Variants in ADCY1 observed in about 807,000 individuals in gnomAD.
ADCY1 encodes adenylate cyclase 1, also known as adenylate cyclase type 1.
In ADCY1, 28 loss-of-function variants were observed where a neutral mutation model predicts 105.4. The ratio of observed to expected loss-of-function variants is 0.27; its 90% CI spans 0.20 to 0.36. The LOEUF (loss-of-function observed/expected upper bound fraction) is 0.36. ADCY1 is among the 10% of genes least tolerant of loss of function. The probability of loss-of-function intolerance (pLI) is 1.00; values close to 1 mark genes in which losing one functional copy is unlikely to be tolerated. For missense variants in ADCY1, 977 were observed against 1,434.2 expected (o/e 0.68, Z 5.15); for synonymous variants, 655 against 623.8 (o/e 1.05, Z -0.75).
chr7:45,675,770 T>G (rs1784445998), intron 8 of ADCY1, among the ~76,000 whole-genome samples: 1 of 152,186 alleles, frequency 6.6e-6, no homozygotes, highest in Non-Finnish European at 1.5e-5. Context: ...ATTAGTTTTC[T>G]CATGCTGCTT....
intron 4 of ADCY1, among the ~76,000 whole-genome samples, chr7:45,629,734 T>C (rs1794181388): frequency 6.6e-6 from 1 of 152,064 alleles, no homozygotes; most frequent in African/African-American, 2.4e-5. Flanking sequence ...TTAGCCAGGA[T>C]GGTCTTGATC....
Position 45,716,685 on chromosome 7 carries a change from A to C in ADCY1, c.*2690A>C, listed in dbSNP as rs1192388539. 3.3e-5 allele frequency: 5 copies of C among 152,540 alleles called. No individual in the cohort carries two copies. The highest frequency in any genetic ancestry group is 1.2e-4 in the African/African-American group (5 of 41,466). 9.4% of individuals were successfully genotyped at this position (152,540 alleles called of 1,614,324 possible). A position where few individuals can be genotyped will look rare whatever the true frequency, so the allele number is the denominator to read the frequency against. ...AGAGGAGTGAACCCCAAAGGTGTCC[A>C]TGCCCCAGTTCTAAGCCCTGTGGCC... On this transcript the variant is annotated 3_prime_UTR_variant, in exon 20 of 20. Coordinates refer to ENST00000297323, the MANE Select transcript of ADCY1 (RefSeq NM_021116.4).
chr7:45,705,414 A>G (rs117804005), intron 17 of ADCY1, among the ~76,000 whole-genome samples: 1,609 of 152,374 alleles, frequency 0.011, 6 homozygotes, highest in Middle Eastern at 0.034. Context: ...AGGCTGTTTT[A>G]GTATTCCAAA....
At chr7:45,585,069 G>A (rs1382765653) in intron 1 of ADCY1, among the ~76,000 whole-genome samples, 1 of 152,252 alleles carries the variant, frequency 6.6e-6, no homozygotes, top group East Asian at 1.9e-4. Flanking sequence ...ATGCTCAGTG[G>A]CAATGCTCCC....
intron 14 of ADCY1, among the ~76,000 whole-genome samples, chr7:45,700,538 G>A (rs994264263): frequency 1.3e-5 from 2 of 152,194 alleles, no homozygotes; most frequent in African/African-American, 2.4e-5. Context: ...CGCAAAGAGG[G>A]GTGTGTGCAC....
chr7:45,585,359 C>G, intron 1 of ADCY1, among the ~76,000 whole-genome samples: 1 of 151,604 alleles, frequency 6.6e-6, no homozygotes, highest in East Asian at 1.9e-4. Flanking sequence ...GCAGACATCA[C>G]AGATGTTTCA....
chr7:45,664,928 C>G (rs1433367493), intron 8 of ADCY1, among the ~76,000 whole-genome samples: 1 of 152,102 alleles, frequency 6.6e-6, no homozygotes, highest in Non-Finnish European at 1.5e-5. Context: ...TCTCTCTTCC[C>G]TTTCCTCCCA....
chr7:45,705,175 T>A (rs1221546945), intron 17 of ADCY1, among the ~76,000 whole-genome samples: 1 of 152,118 alleles, frequency 6.6e-6, no homozygotes, highest in Non-Finnish European at 1.5e-5. Context: ...TTCTCTACAA[T>A]CTCTTCCAGA....
At chr7:45,651,674 C>A (rs1415004458) in intron 5 of ADCY1, among the ~76,000 whole-genome samples, 1 of 152,206 alleles carries the variant, frequency 6.6e-6, no homozygotes, top group Non-Finnish European at 1.5e-5. Context: ...GAGTCTGATT[C>A]TGTTCCAGAA....
At chr7:45,587,680 A>C (rs1792772292) in intron 1 of ADCY1, among the ~76,000 whole-genome samples, 1 of 152,108 alleles carries the variant, frequency 6.6e-6, no homozygotes, top group Admixed American at 6.5e-5. Context: ...CCAGGGTGCT[A>C]GTCTAGTGAC....
In ADCY1 at chr7:45,690,560, G is replaced by T. The variant is rs561969967; in HGVS notation, c.2454+3887G>T. On this transcript the variant is annotated intron_variant, in intron 14 of 19. Transcript: ENST00000297323. The stretch of plus-strand genomic sequence containing the variant: ...AACCTGGCCGGAAGTAGGAGGCCCA[G>T]GACCCTGTTGGTAGAGTCCTTGGAC... Among the ~76,000 whole-genome samples, 12 of 152,338 alleles carry T rather than the reference G, an allele frequency of 7.9e-5. No individual in the cohort carries two copies. In the East Asian group the frequency reaches 2.3e-3, roughly 29 times the overall value.
At chr7:45,649,924 T>A (rs1323823961) in intron 5 of ADCY1, among the ~76,000 whole-genome samples, 1 of 152,188 alleles carries the variant, frequency 6.6e-6, no homozygotes, top group African/African-American at 2.4e-5. Flanking sequence ...CCCCCTCAGC[T>A]GACCTCAGTA....
intron 4 of ADCY1, among the ~76,000 whole-genome samples, chr7:45,628,745 A>G (rs1336616130): frequency 6.6e-6 from 1 of 152,162 alleles, no homozygotes; most frequent in Non-Finnish European, 1.5e-5. Flanking sequence ...CTTTCTTCCA[A>G]CAAACTGCAC....
chr7:45,612,915 C>G (rs1159115812), intron 3 of ADCY1, among the ~76,000 whole-genome samples: 2 of 152,104 alleles, frequency 1.3e-5, no homozygotes, highest in East Asian at 3.9e-4. Flanking sequence ...CCTGCTTTTC[C>G]CTCAGGAGAG....
At position 45,686,129 on chromosome 7, in the gene ADCY1, G is replaced by A. The variant is rs781557430; in HGVS notation, c.2241G>A (p.Val747=). Residue 747 remains valine (V), a synonymous_variant, in exon 13 of 20, where the codon GTG becomes GTA. Coordinates refer to ENST00000297323, the MANE Select transcript of ADCY1 (RefSeq NM_021116.4). The surrounding 1 kb of genome is among the most constrained non-coding windows in gnomAD (Gnocchi z 4.3). ...GTLPLAIFFR[V]SSLPKMILLS... Reference sequence around the variant, plus strand: ...TCCCGCTAGCCATATTTTTCCGGGTGTCCTCCTTGCCAAAAATGATCCTGC... The same window carrying A: ...TCCCGCTAGCCATATTTTTCCGGGTATCCTCCTTGCCAAAAATGATCCTGC... 22 of 1,614,052 alleles carry A rather than the reference G, an allele frequency of 1.4e-5. No homozygotes were observed. The African/African-American group carries it at 2.8e-4, about 21-fold the overall frequency.
At chr7:45,577,377 G>T (rs916237010) in intron 1 of ADCY1, among the ~76,000 whole-genome samples, 3 of 152,186 alleles carry the variant, frequency 2.0e-5, no homozygotes, top group African/African-American at 7.2e-5. Flanking sequence ...CTTACAGTGG[G>T]GGGAGCAGGG....
chr7:45,613,661 C>T lies in ADCY1; in HGVS notation c.908+3164C>T, dbSNP rs190378709. Reference sequence around the variant, plus strand: ...GGTTAAAGAAATGGACATCCAGCTACAAGAAACTGAGATGACACCAAATAA... The same window carrying T: ...GGTTAAAGAAATGGACATCCAGCTATAAGAAACTGAGATGACACCAAATAA... On this transcript the variant is annotated intron_variant, in intron 3 of 19. Coordinates refer to ENST00000297323, the MANE Select transcript of ADCY1 (RefSeq NM_021116.4). Among the ~76,000 whole-genome samples the T allele has an allele frequency of 2.7e-3, 408 of 152,148 alleles. 2 individuals are homozygous for T. The highest frequency in any genetic ancestry group is 9.3e-3 in the African/African-American group (387 of 41,528).
At chr7:45,657,990 G>T (rs1009698798) in intron 6 of ADCY1, 105 bp downstream of exon 6, 18 of 1,292,848 alleles carry the variant, frequency 1.4e-5, no homozygotes, top group Non-Finnish European at 1.9e-5. Context: ...GAGGGCACTT[G>T]TGTGAGTGCT....
rs1189769092 is a variant in ADCY1, at chr7:45,574,994, G to A, written c.451G>A (p.Gly151Arg). The part of the protein sequence containing the change: ...ALGGPARGSA[G>R]AAGGPATAEQ... ...GGGCGGCCCCGCCCGGGGTTCCGCC[G>A]GGGCCGCTGGGGGGCCAGCGACCGC... Residue 151 changes from glycine to arginine, a missense_variant, in exon 1 of 20, where the codon GGG (glycine) becomes AGG (arginine). Coordinates refer to ENST00000297323, the MANE Select transcript of ADCY1 (RefSeq NM_021116.4). The surrounding 1 kb of genome is among the most constrained non-coding windows in gnomAD (Gnocchi z 7.0). The A allele has an allele frequency of 1.2e-6, 2 of 1,610,676 alleles. No homozygotes were observed. Among genetic ancestry groups the A allele is most frequent in the East Asian group, 2.2e-5 (1 of 44,818 alleles).
Sources: allele counts gnomAD v4.1 joint callset (sites outside exome capture counted in the v4.1 genomes callset), GRCh38; gene constraint gnomAD v4.1.1; non-coding constraint Gnocchi (gnomAD v3.1); transcripts MANE v1.5; gene names NCBI Gene and HGNC (gene_info 2026-07-23, HGNC 2026-07-21).